Variants in BTBD3 observed in about 807,000 individuals in gnomAD.
BTBD3 encodes the protein BTB domain containing 3.
A neutral mutation model predicts 41.6 loss-of-function variants in BTBD3; 14 were observed. That is an observed-to-expected ratio of 0.34 (90% confidence interval 0.22 to 0.53). The LOEUF is 0.53. BTBD3 is among the 20% of genes least tolerant of loss of function. The probability of loss-of-function intolerance (pLI) is 0.95; values close to 1 mark genes in which losing one functional copy is unlikely to be tolerated. For missense variants in BTBD3, 426 were observed against 654.7 expected, an observed-to-expected ratio of 0.65 and a Z score of 3.81; for synonymous variants, 249 against 233.7, an observed-to-expected ratio of 1.07 and a Z score of -0.60.
At chr20:11,916,881 C>T (rs2056921739), upstream of BTBD3, among the ~76,000 whole-genome samples, 2 of 152,168 alleles carry the variant, frequency 1.3e-5, no homozygotes, top group East Asian at 1.9e-4. Flanking sequence ...TATGCAGAAC[C>T]TATTGCCGGT....
In BTBD3 at chr20:11,923,056, T is replaced by C; in HGVS notation, c.959T>C (p.Ile320Thr). The change falls in exon 4 of 4, where the codon ATC becomes ACC. Residue 320 changes from isoleucine to threonine, a missense_variant. Ile to Thr is a moderately conservative substitution (Grantham distance 89). Transcript: ENST00000378226. This position sits in a 1 kb window ranked among gnomAD's most constrained non-coding sequence, Gnocchi z 5.3. ...RKVLGKALYL[I>T]RIPTMALDDF... is the part of the protein sequence containing the mutation. ...GTTCTAGGAAAGGCACTTTACTTGA[T>C]CCGCATACCCACAATGGCCCTCGAT... 6.2e-7 allele frequency: 1 copy of C among 1,614,052 alleles called. No individual in the cohort carries two copies. Among genetic ancestry groups the C allele is most frequent in the Non-Finnish European group, 8.5e-7 (1 of 1,180,040 alleles).
intron 1 of BTBD3, among the ~76,000 whole-genome samples, chr20:11,891,754 A>G (rs1404735297): frequency 6.6e-6 from 1 of 152,108 alleles, no homozygotes; most frequent in Non-Finnish European, 1.5e-5. Flanking sequence ...TTATCAAGCA[A>G]CCCATTGTCC....
chr20:11,915,358 T>G (rs543624887), upstream of BTBD3, among the ~76,000 whole-genome samples: 4 of 152,318 alleles, frequency 2.6e-5, no homozygotes, highest in East Asian at 7.7e-4. Flanking sequence ...GTTAAGTTTT[T>G]AATGTCCAAA....
chr20:11,898,551 C>G (rs988245791), intron 1 of BTBD3, among the ~76,000 whole-genome samples: 57 of 152,206 alleles, frequency 3.7e-4, no homozygotes, highest in Admixed American at 3.4e-3. Flanking sequence ...TTTCCTACCT[C>G]TGCTAGACTA....
chr20:11,915,313 A>C (rs1356595153), upstream of BTBD3, among the ~76,000 whole-genome samples: 2 of 152,178 alleles, frequency 1.3e-5, no homozygotes. Context: ...TTTGGGGCCT[A>C]ATCAGAAGAA....
At position 11,919,951 on chromosome 20, in the gene BTBD3, G is replaced by GTTC. The variant is rs1315085143; in HGVS notation, c.536+115_536+116insTTC. On this transcript the variant is annotated intron_variant, in intron 3 of 3. Transcript: ENST00000378226. ...AGAAAAGAAGACTGATGAAGAAAGA[G>GTTC]GGTGCTGCTTACCTTGTAAATGTTT... The GTTC allele has an allele frequency of 3.3e-3, 2,905 of 893,192 alleles. 49 individuals are homozygous for GTTC. The African/African-American group carries it at 0.043, about 13-fold the overall frequency. 55.3% of individuals were successfully genotyped at this position (893,192 alleles called of 1,614,324 possible). A position where few individuals can be genotyped will look rare whatever the true frequency, so the allele number is the denominator to read the frequency against.
chr20:11,910,508 C>CATAAA (rs1272627148), intron 1 of BTBD3: 4 of 89,222 alleles, frequency 4.5e-5, no homozygotes, highest in Non-Finnish European at 9.8e-5. Context: ...TTTCAAGTAC[C>CATAAA]TAGTAGAAAG....
intron 3 of BTBD3, 141 bp downstream of exon 3, chr20:11,919,977 T>C (rs1244153818): frequency 2.2e-5 from 16 of 736,412 alleles, no homozygotes; most frequent in Non-Finnish European, 3.7e-5. Flanking sequence ...GTAAATGTTT[T>C]CGGAAAAGAA....
In BTBD3 at chr20:11,918,481, G is replaced by T; in HGVS notation, c.206G>T (p.Arg69Leu). The T allele has an allele frequency of 6.2e-7, 1 of 1,614,086 alleles. No individual in the cohort carries two copies. The highest frequency in any genetic ancestry group is 1.3e-5 in the African/African-American group (1 of 75,012). The change falls in exon 1 of 4, where the codon CGT (arginine) becomes CTT (leucine). Residue 69 changes from arginine to leucine, a missense_variant. By Grantham distance (102) the Arg-to-Leu change is moderately radical (BLOSUM62 -2). Around this residue, in one of 3 missense-constraint regions of BTBD3, gnomAD observed 52 missense variants for 45.1 expected, o/e 1.15. Transcript: ENST00000378226. ...KKKMAADIFP[R>L]KKPANSSSTS... ...AAGATGGCTGCTGATATATTCCCCC[G>T]TAAAAAGCCAGCCAACTCCAGCAGC... is the stretch of plus-strand genomic sequence containing the variant.
Position 11,918,328 on chromosome 20 carries a change from T to C in BTBD3, c.53T>C (p.Leu18Pro). The stretch of plus-strand genomic sequence containing the variant: ...AAATGTCTCACCTTCTTCTTGATGC[T>C]TCCAGAGACGGTAAAGAACAGGTCC... ...NMKCLTFFLM[L>P]PETVKNRSKK... is the part of the protein sequence containing the mutation. The change falls in exon 1 of 4, where the codon CTT becomes CCT. Residue 18 changes from leucine to proline, a missense_variant. Physicochemically the swap from Leu to Pro is moderately conservative, Grantham distance 98 (BLOSUM62 -3). This residue lies in a region of BTBD3 where 53 missense variants were observed against 74.8 expected (regional missense o/e 0.71). Transcript: ENST00000378226. 6.2e-7 allele frequency: 1 copy of C among 1,611,344 alleles called. No individual in the cohort carries two copies. Among genetic ancestry groups the C allele is most frequent in the Non-Finnish European group, 8.5e-7 (1 of 1,179,300 alleles).
intron 1 of BTBD3, among the ~76,000 whole-genome samples, chr20:11,893,327 G>C (rs1308434323): frequency 1.3e-5 from 2 of 152,106 alleles, no homozygotes; most frequent in African/African-American, 4.8e-5. Context: ...TCTATTTTAT[G>C]TGCTGTTTAA....
At chr20:11,916,811 C>T (rs144995591), upstream of BTBD3, among the ~76,000 whole-genome samples, 1,167 of 152,196 alleles carry the variant, frequency 7.7e-3, 49 homozygotes, top group Admixed American at 0.056. Flanking sequence ...TGAGCGTGAT[C>T]CAAATAGATA....
At chr20:11,918,629 T>TAA in intron 1 of BTBD3, 28 bp downstream of exon 1, 2 of 1,535,488 alleles carry the variant, frequency 1.3e-6, no homozygotes, top group Non-Finnish European at 1.7e-6. Flanking sequence ...CTATTTACTT[T>TAA]AAAAGTTTTC....
chr20:11,902,105 C>CT (rs1160263116), intron 1 of BTBD3, among the ~76,000 whole-genome samples: 3 of 147,654 alleles, frequency 2.0e-5, no homozygotes, highest in Non-Finnish European at 4.5e-5. Context: ...CTCACAAAAA[C>CT]TTAACTAATA....
chr20:11,907,811 A>G (rs1385312402), intron 1 of BTBD3, among the ~76,000 whole-genome samples: 1 of 152,184 alleles, frequency 6.6e-6, no homozygotes, highest in African/African-American at 2.4e-5. Context: ...GTGAATGAAG[A>G]GGATGAGTCA....
intron 1 of BTBD3, among the ~76,000 whole-genome samples, chr20:11,910,969 A>G (rs762758879): frequency 6.6e-5 from 10 of 152,312 alleles, no homozygotes; most frequent in Middle Eastern, 3.4e-3. Context: ...AATTATTCTA[A>G]TGTAGTTCAG....
chr20:11,899,996 C>G (rs2056814235), intron 1 of BTBD3, among the ~76,000 whole-genome samples: 1 of 152,178 alleles, frequency 6.6e-6, no homozygotes, highest in Non-Finnish European at 1.5e-5. Flanking sequence ...CAAAATAATT[C>G]AAAATATACC....
intron 1 of BTBD3, among the ~76,000 whole-genome samples, chr20:11,895,547 G>A (rs2056781725): frequency 6.6e-6 from 1 of 152,130 alleles, no homozygotes; most frequent in Non-Finnish European, 1.5e-5. Flanking sequence ...GTTTTGCACT[G>A]AGGAAAGAGT....
intron 1 of BTBD3, among the ~76,000 whole-genome samples, chr20:11,896,571 T>G (rs984180240): frequency 2.6e-5 from 4 of 152,224 alleles, no homozygotes; most frequent in African/African-American, 9.7e-5. Context: ...TTTATTTTAG[T>G]AAGGAAAAGA....
Sources: gnomAD v4.1 joint callset for allele counts (sites outside exome capture counted in the v4.1 genomes callset) on GRCh38, gnomAD v4.1.1 for gene constraint, gnomAD v4.1.1 regional missense constraint, Gnocchi (gnomAD v3.1) non-coding constraint, MANE v1.5 for transcripts, NCBI Gene and HGNC (gene_info 2026-07-23, HGNC 2026-07-21) for gene names.